The following TJP2 variants were observed in gnomAD, a reference collection of about 807,000 sequenced individuals.
TJP2 encodes the protein tight junction protein 2.
In TJP2, 91 loss-of-function variants were observed where a neutral mutation model predicts 133.1. The observed-to-expected ratio is 0.68, with a 90% CI of 0.58 to 0.81. TJP2 has a LOEUF of 0.81. TJP2 is among the 40% of genes least tolerant of loss of function. The pLI is 0.00. For missense variants in TJP2, 1,541 were observed against 1,565.6 expected, an observed-to-expected ratio of 0.98 and a Z score of 0.26; for synonymous variants, 592 against 583.4, an observed-to-expected ratio of 1.01 and a Z score of -0.21.
At chr9:69,140,799 C>G (rs1822987046) in intron 1 of TJP2, among the ~76,000 whole-genome samples, 1 of 152,178 alleles carries the variant, frequency 6.6e-6, no homozygotes, top group Non-Finnish European at 1.5e-5. Flanking sequence ...TTTCTACCAA[C>G]AGTAATAGGG....
intron 1 of TJP2, among the ~76,000 whole-genome samples, chr9:69,208,320 T>C (rs959612089): frequency 6.6e-6 from 1 of 152,210 alleles, no homozygotes; most frequent in Non-Finnish European, 1.5e-5. Context: ...CCGTTAACCA[T>C]AGGTAAGAAG....
intron 19 of TJP2, 115 bp downstream of exon 19, chr9:69,248,339 A>T: frequency 2.1e-6 from 3 of 1,462,266 alleles, no homozygotes; most frequent in Middle Eastern, 1.8e-4. Context: ...GTTGGAGCAG[A>T]TGACTTCCAG....
intron 2 of TJP2, among the ~76,000 whole-genome samples, chr9:69,213,320 G>A (rs140102863): frequency 2.1e-3 from 321 of 152,238 alleles, no homozygotes; most frequent in Non-Finnish European, 2.9e-3. Flanking sequence ...ACCTTGGCCC[G>A]CAAAGTGCTG....
chr9:69,186,525 CT>C (rs1443335501), intron 1 of TJP2, among the ~76,000 whole-genome samples: 2 of 152,292 alleles, frequency 1.3e-5, no homozygotes, highest in Admixed American at 6.5e-5. Context: ...TTTCTCCAGA[CT>C]TTTAGTCGGC....
At position 69,225,955 on chromosome 9, in the gene TJP2, G is replaced by GA. The variant is rs368596387; in HGVS notation, c.1057-63dup. On this transcript the variant is annotated intron_variant, in intron 6 of 22. Transcript: ENST00000377245. The stretch of plus-strand genomic sequence containing the variant: ...CAAAGCCTTTACATTTTTAGAAGGG[G>GA]AAAATATGAATTTTCTACTGTGAAT... The GA allele has an allele frequency of 9.7e-5, 152 of 1,565,502 alleles. No homozygotes were observed. In the African/African-American group the frequency reaches 1.9e-3, roughly 20 times the overall value.
At chr9:69,159,695 G>A (rs1425253048) in intron 2 of TJP2, among the ~76,000 whole-genome samples, 1 of 151,994 alleles carries the variant, frequency 6.6e-6, no homozygotes. Context: ...TGGCTAACAC[G>A]GTGAAACCCC....
rs1430736866 is a variant in TJP2 at position 69,125,618 on chromosome 9, A to G, written c.-131+3893A>G. 2.6e-5 allele frequency among the ~76,000 whole-genome samples: 2 copies of G among 76,032 alleles called. 1 individual carries two copies. The allele number at this position is 76,032 out of a possible 152,430, so 49.9% of individuals were successfully genotyped here. On this transcript the variant is annotated intron_variant, in intron 1 of 5. Transcript: ENST00000423935. ...TTGCACCTGGCTCACCTTGATTCTGATATGTAATTAGGTTTGGGGGTCACT... is the reference window on the plus strand; with the variant it reads ...TTGCACCTGGCTCACCTTGATTCTGGTATGTAATTAGGTTTGGGGGTCACT...
At chr9:69,198,874 AG>A (rs1465475509) in intron 1 of TJP2, among the ~76,000 whole-genome samples, 14 of 152,380 alleles carry the variant, frequency 9.2e-5, no homozygotes, top group African/African-American at 3.1e-4. Flanking sequence ...TGCTACCAAG[AG>A]GGGTTTAAGT....
At chr9:69,152,817 C>CTCTTTTTTTT (rs1823542174) in intron 2 of TJP2, among the ~76,000 whole-genome samples, 1 of 47,998 alleles carries the variant, frequency 2.1e-5, no homozygotes, top group Non-Finnish European at 4.0e-5. Context: ...CTCTGGAGCT[C>CTCTTTTTTTT]TTTTTTTTTT....
At chr9:69,201,047 G>T (rs1409368428) in intron 1 of TJP2, among the ~76,000 whole-genome samples, 1 of 152,170 alleles carries the variant, frequency 6.6e-6, no homozygotes, top group Non-Finnish European at 1.5e-5. Flanking sequence ...GAGCCTCTTG[G>T]TGGGCTCTTG....
chr9:69,198,847 G>C (rs756998595), intron 1 of TJP2, among the ~76,000 whole-genome samples: 15 of 152,194 alleles, frequency 9.9e-5, no homozygotes, highest in Non-Finnish European at 2.1e-4. Context: ...TGTTGGATGC[G>C]GTGGCAACTA....
intron 4 of TJP2, 143 bp from the exon 5 acceptor site, chr9:69,220,744 C>A: frequency 1.3e-6 from 1 of 757,032 alleles, no homozygotes; most frequent in Non-Finnish European, 2.2e-6. Flanking sequence ...TTTTATTGTC[C>A]GTTTCCGGAT....
intron 1 of TJP2, among the ~76,000 whole-genome samples, chr9:69,202,890 T>A (rs1019030078): frequency 6.6e-6 from 1 of 151,962 alleles, no homozygotes; most frequent in African/African-American, 2.4e-5. Flanking sequence ...TACTTAGAAA[T>A]GGTTAAGATA....
intron 1 of TJP2, among the ~76,000 whole-genome samples, chr9:69,199,670 T>A (rs1331134715): frequency 2.6e-5 from 4 of 152,232 alleles, no homozygotes; most frequent in African/African-American, 7.2e-5. Flanking sequence ...ACCTGGCTGA[T>A]TTCATTTAGT....
At chr9:69,151,532 C>A in intron 1 of TJP2, 2 of 1,008,644 alleles carry the variant, frequency 2.0e-6, no homozygotes, top group Non-Finnish European at 2.5e-6. Context: ...TGTGAAGGTA[C>A]TAAAAGCCAT....
rs767185641 is a variant in TJP2, at chr9:69,254,461, T to G, written c.*87T>G. ...GGCCGCCGGGATGGTTCTTCTCCAG[T>G]TAGAATGCACCATGGAGACGTGGTG... On this transcript the variant is annotated 3_prime_UTR_variant, in exon 23 of 23. Coordinates refer to ENST00000377245, the MANE Select transcript of TJP2 (RefSeq NM_004817.4). 6.4e-7 allele frequency: 1 copy of G among 1,554,046 alleles called. No individual in the cohort carries two copies.
chr9:69,137,281 TTCTTTCTTTCTTTC>T (rs1822801273), intron 1 of TJP2, among the ~76,000 whole-genome samples: 1 of 111,078 alleles, frequency 9.0e-6, no homozygotes, highest in Non-Finnish European at 1.8e-5. Flanking sequence ...TTTTCTTTCT[TTCTTTCTTTCTTTC>T]TTTCTTTTCT....
rs544440825 is a variant in TJP2, at chr9:69,234,647, A to G, written c.1780+100A>G. The G allele has an allele frequency of 6.9e-6, 6 of 870,126 alleles. No individual in the cohort carries two copies. In the East Asian group the frequency reaches 1.0e-4, roughly 15 times the overall value. 53.9% of individuals were successfully genotyped at this position (870,126 alleles called of 1,614,324 possible). On this transcript the variant is annotated intron_variant, in intron 12 of 22. Coordinates refer to ENST00000377245, the MANE Select transcript of TJP2 (RefSeq NM_004817.4). ...CCAGAATAGGCAAATCTGGGTATTA[A>G]AAAATTGAGATGGATCTCAACACCT...
chr9:69,153,247 G>A (rs1020295191), intron 2 of TJP2, among the ~76,000 whole-genome samples: 15 of 151,678 alleles, frequency 9.9e-5, no homozygotes, highest in Non-Finnish European at 1.8e-4. Flanking sequence ...ACAAAAAAAC[G>A]TCCCAAACAT....
Sources: allele counts gnomAD v4.1 joint callset (sites outside exome capture counted in the v4.1 genomes callset), GRCh38; gene constraint gnomAD v4.1.1; transcripts MANE v1.5; gene names NCBI Gene and HGNC (gene_info 2026-07-23, HGNC 2026-07-21).